The following SPATS2L variants were observed in gnomAD, a reference collection of about 807,000 sequenced individuals.
The protein encoded by SPATS2L is SPATS2-like protein.
SPATS2L carries 30 observed loss-of-function variants against 59.6 expected under a neutral mutation model. The observed-to-expected ratio is 0.50, with a 90% CI of 0.38 to 0.68. SPATS2L has a LOEUF of 0.68. SPATS2L is among the 30% of genes least tolerant of loss of function. The pLI, the probability that SPATS2L is intolerant of heterozygous loss-of-function variation, is 0.00. For missense variants in SPATS2L, 615 were observed against 700.0 expected, an observed-to-expected ratio of 0.88 and a Z score of 1.37; for synonymous variants, 252 against 263.5, an observed-to-expected ratio of 0.96 and a Z score of 0.42.
intron 1 of SPATS2L, among the ~76,000 whole-genome samples, chr2:200,327,496 C>T (rs1048670040): frequency 2.0e-5 from 3 of 152,134 alleles, no homozygotes; most frequent in African/African-American, 4.8e-5. Flanking sequence ...CAAAGTGCTG[C>T]TTCTTTCCAT....
At chr2:200,345,021 G>A (rs2080465063) in intron 2 of SPATS2L, among the ~76,000 whole-genome samples, 2 of 152,150 alleles carry the variant, frequency 1.3e-5, no homozygotes, top group African/African-American at 4.8e-5. Context: ...TAGATTGTCT[G>A]TTTGCTCTGT....
chr2:200,412,052 CTT>C (rs754201177), intron 3 of SPATS2L, among the ~76,000 whole-genome samples: 1 of 151,882 alleles, frequency 6.6e-6, no homozygotes, highest in East Asian at 1.9e-4. Context: ...CCAGAGTTGG[CTT>C]TTCACACATG....
chr2:200,315,856 CAAAAAAA>C (rs374718905), intron 1 of SPATS2L, among the ~76,000 whole-genome samples: 1 of 90,934 alleles, frequency 1.1e-5, no homozygotes, highest in African/African-American at 4.9e-5. Flanking sequence ...ACCAAAAATC[CAAAAAAA>C]AAAAAAAAAA....
intron 2 of SPATS2L, among the ~76,000 whole-genome samples, chr2:200,370,819 A>G (rs1351002862): frequency 6.6e-6 from 1 of 152,218 alleles, no homozygotes. Flanking sequence ...CATAAGTGAC[A>G]TAAATGATAT....
At chr2:200,451,747 G>A (rs905170638) in intron 8 of SPATS2L, among the ~76,000 whole-genome samples, 4 of 151,812 alleles carry the variant, frequency 2.6e-5, no homozygotes, top group African/African-American at 2.4e-5. Flanking sequence ...GTTTCTTCCA[G>A]TTTCTGTTCC....
chr2:200,456,947 T>G (rs2085878957), intron 8 of SPATS2L, among the ~76,000 whole-genome samples: 1 of 152,176 alleles, frequency 6.6e-6, no homozygotes. Context: ...CAATGAGTCC[T>G]GGCAGGTCCT....
chr2:200,421,743 G>A (rs2083314385), intron 6 of SPATS2L, among the ~76,000 whole-genome samples: 1 of 152,044 alleles, frequency 6.6e-6, no homozygotes, highest in South Asian at 2.1e-4. Context: ...TTTTCACTGT[G>A]CCTACAATTT....
chr2:200,354,080 T>C (rs765335035), intron 2 of SPATS2L, among the ~76,000 whole-genome samples: 1 of 152,144 alleles, frequency 6.6e-6, no homozygotes, highest in Admixed American at 6.6e-5. Context: ...CATGAATAAT[T>C]ATTTGCCTCG....
chr2:200,335,291 T>C (rs1460028180), intron 2 of SPATS2L, among the ~76,000 whole-genome samples: 1 of 151,582 alleles, frequency 6.6e-6, no homozygotes, highest in African/African-American at 2.4e-5. Flanking sequence ...GGCGGGAGAA[T>C]GGTGTGAACC....
intron 6 of SPATS2L, among the ~76,000 whole-genome samples, chr2:200,435,473 T>C (rs1472410350): frequency 6.6e-6 from 1 of 152,114 alleles, no homozygotes; most frequent in Admixed American, 6.6e-5. Flanking sequence ...ATTTGATGAA[T>C]ATTAGATAAA....
At chr2:200,382,753 T>C (rs1021482481) in intron 2 of SPATS2L, among the ~76,000 whole-genome samples, 1 of 152,172 alleles carries the variant, frequency 6.6e-6, no homozygotes, top group Non-Finnish European at 1.5e-5. Flanking sequence ...TTAATTTCTA[T>C]TCGTAGGGTT....
intron 2 of SPATS2L, among the ~76,000 whole-genome samples, chr2:200,387,751 G>A (rs969881666): frequency 2.0e-5 from 3 of 152,150 alleles, no homozygotes; most frequent in African/African-American, 7.2e-5. Flanking sequence ...TTGACAAAAA[G>A]CATTCAACAT....
At chr2:200,333,575 A>C (rs545925862) in intron 2 of SPATS2L, among the ~76,000 whole-genome samples, 2 of 151,966 alleles carry the variant, frequency 1.3e-5, no homozygotes, top group East Asian at 3.9e-4. Flanking sequence ...ATATGTATAC[A>C]TGTGCCATGT....
chr2:200,474,753 G>C (rs1305324371), intron 12 of SPATS2L, among the ~76,000 whole-genome samples: 2 of 152,082 alleles, frequency 1.3e-5, no homozygotes, highest in Non-Finnish European at 2.9e-5. Context: ...TAGCAGTTTA[G>C]GTAATGGCTC....
At chr2:200,457,497 G>A (rs781570166) in intron 8 of SPATS2L, among the ~76,000 whole-genome samples, 1 of 152,188 alleles carries the variant, frequency 6.6e-6, no homozygotes, top group Non-Finnish European at 1.5e-5. Flanking sequence ...ACACCTTTCT[G>A]TATCATGCAT....
At position 200,400,576 on chromosome 2, in the gene SPATS2L, A is replaced by C. The variant is rs531525366; in HGVS notation, c.39+11293A>C. ...GATATAAAAAGTTGATCATGGACTA[A>C]ATTTAAAGATTTAAAATACTTTAGT... On this transcript the variant is annotated intron_variant, in intron 3 of 12. Transcript: ENST00000409140. Among the ~76,000 whole-genome samples, 124 of 152,290 alleles carry C rather than the reference A, an allele frequency of 8.1e-4. 4 individuals are homozygous for C. In the South Asian group the frequency reaches 0.025, roughly 30 times the overall value.
Position 200,474,727 on chromosome 2 carries a change from C to T in SPATS2L, c.1281+1675C>T, listed in dbSNP as rs184427323. 2.6e-4 allele frequency among the ~76,000 whole-genome samples: 39 copies of T among 152,288 alleles called. No individual in the cohort carries two copies. The East Asian group carries it at 6.7e-3, about 26-fold the overall frequency. On this transcript the variant is annotated intron_variant, in intron 12 of 12. Transcript: ENST00000409140. ...TTAAGTACTATCTATGTAGATACTT[C>T]TTCAGTTCTCTGGTTTAGCAGTTTA...
chr2:200,371,294 T>C (rs295112), intron 2 of SPATS2L, among the ~76,000 whole-genome samples: 140,007 of 152,186 alleles, frequency 0.92, 64,615 homozygotes, highest in Middle Eastern at 0.97. Flanking sequence ...CCTTTGATTC[T>C]ATGAACAAGT....
chr2:200,414,371 A>T (rs950419434), intron 4 of SPATS2L, among the ~76,000 whole-genome samples: 1 of 152,194 alleles, frequency 6.6e-6, no homozygotes, highest in Non-Finnish European at 1.5e-5. Context: ...CAGGTTCCTC[A>T]TACCTGTAAC....
Sources: allele counts gnomAD v4.1 joint callset (sites outside exome capture counted in the v4.1 genomes callset), GRCh38; gene constraint gnomAD v4.1.1; transcripts MANE v1.5; gene names NCBI Gene and HGNC (gene_info 2026-07-23, HGNC 2026-07-21).